RBFOX2: variants seen among roughly 807,000 people sequenced by gnomAD.
RBFOX2 encodes the protein RNA binding fox-1 homolog 2.
Under a neutral mutation model 49.1 loss-of-function variants are expected in RBFOX2, and 10 were observed. The ratio of observed to expected loss-of-function variants is 0.20; its 90% CI spans 0.13 to 0.35. RBFOX2 has a LOEUF of 0.35. RBFOX2 is among the 10% of genes least tolerant of loss of function. The pLI, the probability that RBFOX2 is intolerant of heterozygous loss-of-function variation, is 1.00. For synonymous variants in RBFOX2, 183 were observed against 187.4 expected, an observed-to-expected ratio of 0.98 and a Z score of 0.19; for missense variants, 323 against 486.9, an observed-to-expected ratio of 0.66 and a Z score of 3.17.
At position 35,986,810 on chromosome 22, in the gene RBFOX2, T is replaced by C. The variant is rs73415750; in HGVS notation, c.186+41430A>G. 6.9e-3 allele frequency among the ~76,000 whole-genome samples: 1,053 copies of C among 152,318 alleles called. 16 individuals carry two copies. The highest frequency in any genetic ancestry group is 0.021 in the African/African-American group (860 of 41,570). ...GCTAGCAATGATGACTGTGGACTTA[T>C]GGACTATTCATCAACTGCTTCACCT... On this transcript the variant is annotated intron_variant, in intron 1 of 13. Coordinates refer to the RBFOX2 transcript ENST00000438146.
chr22:35,823,975 C>A (rs1025709027), intron 1 of RBFOX2, among the ~76,000 whole-genome samples: 1 of 152,054 alleles, frequency 6.6e-6, no homozygotes, highest in Non-Finnish European at 1.5e-5. Context: ...TGGTGAAACC[C>A]CATCTCTACT....
At chr22:35,817,664 C>A (rs1200374877) in intron 1 of RBFOX2, among the ~76,000 whole-genome samples, 1 of 151,986 alleles carries the variant, frequency 6.6e-6, no homozygotes, top group Non-Finnish European at 1.5e-5. Flanking sequence ...GTAGGCCTCA[C>A]AATGGATCCT....
At chr22:35,814,335 T>A (rs1952529615) in intron 1 of RBFOX2, among the ~76,000 whole-genome samples, 2 of 152,156 alleles carry the variant, frequency 1.3e-5, no homozygotes, top group South Asian at 4.1e-4. Flanking sequence ...CTTGTGTACT[T>A]TAAATCATCT....
At chr22:35,862,285 T>C (rs952667094) in intron 1 of RBFOX2, among the ~76,000 whole-genome samples, 3 of 151,888 alleles carry the variant, frequency 2.0e-5, no homozygotes, top group African/African-American at 7.3e-5. Context: ...GTATATCAAT[T>C]ATACCTCCAT....
intron 4 of RBFOX2, among the ~76,000 whole-genome samples, chr22:35,774,188 A>G (rs1943355936): frequency 6.6e-6 from 1 of 152,072 alleles, no homozygotes; most frequent in Non-Finnish European, 1.5e-5. Flanking sequence ...CTGAGAGAGA[A>G]AGGGGTCATT....
At chr22:35,820,120 A>C (rs970454657) in intron 1 of RBFOX2, among the ~76,000 whole-genome samples, 1 of 152,090 alleles carries the variant, frequency 6.6e-6, no homozygotes, top group South Asian at 2.1e-4. Flanking sequence ...GGAAAGAGGG[A>C]CGTTGATAGA....
chr22:36,013,285 T>C (rs999016263), intron 1 of RBFOX2, among the ~76,000 whole-genome samples: 4 of 152,100 alleles, frequency 2.6e-5, no homozygotes, highest in African/African-American at 9.7e-5. Context: ...AAAAAGATTG[T>C]TCCTGCCTTT....
rs745482752 is a variant in RBFOX2 at position 35,917,476 on chromosome 22, A to G, written c.-34+21371T>C. Among the ~76,000 whole-genome samples the G allele has an allele frequency of 1.3e-5, 2 of 152,232 alleles. 1 individual carries two copies. The highest frequency in any genetic ancestry group is 4.1e-4 in the South Asian group (2 of 4,830). Reference sequence around the variant, plus strand: ...GATTTTTATCTTTTCTCTTCACATTATGCTAGGCAAAAATTATAGCAGGCA... The same window carrying G: ...GATTTTTATCTTTTCTCTTCACATTGTGCTAGGCAAAAATTATAGCAGGCA... On this transcript the variant is annotated intron_variant, in intron 1 of 13. Coordinates refer to the RBFOX2 transcript ENST00000359369.
upstream of RBFOX2, among the ~76,000 whole-genome samples, chr22:35,962,233 A>G (rs188534542): frequency 6.6e-6 from 1 of 152,344 alleles, no homozygotes; most frequent in East Asian, 1.9e-4. Context: ...CATCATAGGA[A>G]GAATAAATGG....
chr22:35,768,906 T>C (rs1292197414), intron 4 of RBFOX2, among the ~76,000 whole-genome samples: 1 of 152,212 alleles, frequency 6.6e-6, no homozygotes, highest in Non-Finnish European at 1.5e-5. Context: ...TCACTATTAA[T>C]TCCTTTGGGA....
chr22:35,902,069 G>T (rs887491665), intron 1 of RBFOX2, among the ~76,000 whole-genome samples: 3 of 151,790 alleles, frequency 2.0e-5, no homozygotes, highest in Non-Finnish European at 4.4e-5. Flanking sequence ...GACAGAGTGA[G>T]ACTCTGTCTC....
At chr22:35,939,044 A>G (rs137973168), upstream of RBFOX2, 115 of 785,766 alleles carry the variant, frequency 1.5e-4, no homozygotes, top group African/African-American at 3.2e-4. Flanking sequence ...CTAAGTGTAT[A>G]TATCTCCTCG....
chr22:35,840,081 T>C (rs1358860172), intron 1 of RBFOX2: 3 of 1,429,054 alleles, frequency 2.1e-6, no homozygotes, highest in South Asian at 1.2e-5. Context: ...ATCTGGTCTG[T>C]TCTAAGAAGA....
chr22:36,010,206 G>A (rs2058763559), intron 1 of RBFOX2, among the ~76,000 whole-genome samples: 1 of 152,094 alleles, frequency 6.6e-6, no homozygotes, highest in African/African-American at 2.4e-5. Context: ...GGGACATGGA[G>A]TAACCTGAGC....
At chr22:35,866,326 C>T (rs1469437693) in intron 1 of RBFOX2, among the ~76,000 whole-genome samples, 2 of 152,010 alleles carry the variant, frequency 1.3e-5, no homozygotes, top group Non-Finnish European at 2.9e-5. Context: ...AATATATACG[C>T]CATTTTTTTG....
chr22:35,762,503 C>CTTTTT (rs769912529), intron 6 of RBFOX2, among the ~76,000 whole-genome samples: 5 of 126,870 alleles, frequency 3.9e-5, no homozygotes, highest in Non-Finnish European at 6.7e-5. Flanking sequence ...TTGGCCTCCT[C>CTTTTT]TTTTTTTTTT....
At chr22:35,989,909 C>A (rs2057897269) in intron 1 of RBFOX2, among the ~76,000 whole-genome samples, 1 of 152,128 alleles carries the variant, frequency 6.6e-6, no homozygotes, top group African/African-American at 2.4e-5. Flanking sequence ...TGGCCATGTG[C>A]GGTGGCTCAC....
At chr22:35,847,289 G>A (rs1012838014) in intron 1 of RBFOX2, among the ~76,000 whole-genome samples, 3 of 152,076 alleles carry the variant, frequency 2.0e-5, no homozygotes, top group Non-Finnish European at 2.9e-5. Flanking sequence ...AAATATTTTC[G>A]AACTTTCTGT....
chr22:36,001,865 A>G (rs1022671173), intron 1 of RBFOX2, among the ~76,000 whole-genome samples: 1 of 152,124 alleles, frequency 6.6e-6, no homozygotes, highest in Non-Finnish European at 1.5e-5. Context: ...AGAGTTCGAG[A>G]CCAGCCTGGC....
Sources: allele counts gnomAD v4.1 joint callset (sites outside exome capture counted in the v4.1 genomes callset), GRCh38; gene constraint gnomAD v4.1.1; transcripts MANE v1.5; gene names NCBI Gene and HGNC (gene_info 2026-07-23, HGNC 2026-07-21).